ARHGAP15: variants seen among roughly 807,000 people sequenced by gnomAD.
ARHGAP15 encodes the protein Rho GTPase activating protein 15, also known as rho GTPase-activating protein 15.
ARHGAP15 carries 51 observed loss-of-function variants against 63.7 expected under a neutral mutation model. The observed-to-expected ratio is 0.80, with a 90% confidence interval of 0.64 to 1.01. ARHGAP15 has a LOEUF of 1.01. Among genes scored for constraint, ARHGAP15 ranks in the 50% least tolerant of loss-of-function variants. The pLI is 0.00. For synonymous variants in ARHGAP15, 191 were observed against 193.8 expected (o/e 0.99, Z 0.12); for missense variants, 560 against 564.6 (o/e 0.99, Z 0.08).
intron 1 of ARHGAP15, among the ~76,000 whole-genome samples, chr2:143,144,704 C>T (rs1689509257): frequency 6.6e-6 from 1 of 151,990 alleles, no homozygotes; most frequent in African/African-American, 2.4e-5. Flanking sequence ...TAGCTACCTA[C>T]TCATTTATCT....
intron 2 of ARHGAP15, among the ~76,000 whole-genome samples, chr2:143,180,463 A>AC (rs1691190436): frequency 6.6e-6 from 1 of 152,138 alleles, no homozygotes; most frequent in Admixed American, 6.5e-5. Context: ...GAAGTCCTGA[A>AC]CCCCTCAAAG....
intron 8 of ARHGAP15, among the ~76,000 whole-genome samples, chr2:143,457,491 C>T (rs1279804649): frequency 6.6e-6 from 1 of 151,660 alleles, no homozygotes; most frequent in Non-Finnish European, 1.5e-5. Flanking sequence ...TATGCCACTG[C>T]ACTCCAGCCT....
chr2:143,727,030 C>A lies in ARHGAP15; in HGVS notation c.1244+23506C>A, dbSNP rs536620889. On this transcript the variant is annotated intron_variant, in intron 13 of 13. Transcript: ENST00000295095. ...GCTAAGTCTCAGTTACCCCCTCCAT[C>A]ACTGCCCTAACCTCTTCCAGCCTTT... Among the ~76,000 whole-genome samples the A allele has an allele frequency of 2.5e-4, 38 of 152,314 alleles. No homozygotes were observed. The Middle Eastern group carries it at 0.014, about 55-fold the overall frequency.
At chr2:143,201,315 G>A (rs894324240) in intron 2 of ARHGAP15, among the ~76,000 whole-genome samples, 1 of 151,728 alleles carries the variant, frequency 6.6e-6, no homozygotes, top group African/African-American at 2.4e-5. Flanking sequence ...TAGAGTTGGA[G>A]TCTCACTATG....
At chr2:143,139,010 C>T (rs957100624) in intron 1 of ARHGAP15, among the ~76,000 whole-genome samples, 1 of 152,006 alleles carries the variant, frequency 6.6e-6, no homozygotes, top group African/African-American at 2.4e-5. Flanking sequence ...TCTAAACCAT[C>T]TTCTTTTTGG....
chr2:143,217,636 C>T (rs1048391882), intron 4 of ARHGAP15, among the ~76,000 whole-genome samples: 11 of 152,064 alleles, frequency 7.2e-5, no homozygotes, highest in African/African-American at 2.7e-4. Context: ...GAAGGAACAA[C>T]AGGAGGAAGT....
chr2:143,432,709 GT>G (rs1689440178), intron 6 of ARHGAP15, among the ~76,000 whole-genome samples: 1 of 151,972 alleles, frequency 6.6e-6, no homozygotes, highest in African/African-American at 2.4e-5. Context: ...GTATGAAAAA[GT>G]TCAAGACAAA....
At chr2:143,245,618 C>CTT (rs11381798) in intron 5 of ARHGAP15, among the ~76,000 whole-genome samples, 23 of 150,202 alleles carry the variant, frequency 1.5e-4, no homozygotes, top group Admixed American at 2.0e-4. Context: ...TTTTCTTCTT[C>CTT]TTCTTTTTTT....
intron 8 of ARHGAP15, among the ~76,000 whole-genome samples, chr2:143,440,523 T>C (rs1412409154): frequency 6.6e-6 from 1 of 152,204 alleles, no homozygotes; most frequent in East Asian, 1.9e-4. Context: ...GAATTACTTT[T>C]TTAAAAGGCA....
intron 6 of ARHGAP15, among the ~76,000 whole-genome samples, chr2:143,306,241 G>T (rs557535553): frequency 6.6e-6 from 1 of 152,064 alleles, no homozygotes; most frequent in Non-Finnish European, 1.5e-5. Flanking sequence ...ATAGAAAGTC[G>T]TTCTGAGACT....
At chr2:143,491,026 A>G (rs1012969261) in intron 9 of ARHGAP15, among the ~76,000 whole-genome samples, 2 of 152,240 alleles carry the variant, frequency 1.3e-5, no homozygotes, top group Non-Finnish European at 2.9e-5. Flanking sequence ...GCTCAATGAA[A>G]AGAAATCTTA....
Position 143,345,636 on chromosome 2 carries a change from T to A in ARHGAP15, c.475-89965T>A, listed in dbSNP as rs116575963. Among the ~76,000 whole-genome samples the A allele has an allele frequency of 4.0e-3, 612 of 152,274 alleles. 2 individuals are homozygous for A. The highest frequency in any genetic ancestry group is 6.4e-3 in the Non-Finnish European group (438 of 68,010). ...ACTCACACACATTGCCTAAATTCAGTTTCTTTCATTTTTTTGCAGGCTTTG... is the reference window on the plus strand; with the variant it reads ...ACTCACACACATTGCCTAAATTCAGATTCTTTCATTTTTTTGCAGGCTTTG... On this transcript the variant is annotated intron_variant, in intron 6 of 13. Coordinates refer to ENST00000295095, the MANE Select transcript of ARHGAP15 (RefSeq NM_018460.4).
At chr2:143,359,035 C>A (rs985950300) in intron 6 of ARHGAP15, among the ~76,000 whole-genome samples, 2 of 151,368 alleles carry the variant, frequency 1.3e-5, no homozygotes, top group East Asian at 3.9e-4. Flanking sequence ...CATTAGGGTG[C>A]GATTGATTTA....
At chr2:143,479,219 T>C (rs567949368) in intron 8 of ARHGAP15, among the ~76,000 whole-genome samples, 5 of 152,224 alleles carry the variant, frequency 3.3e-5, no homozygotes, top group African/African-American at 9.6e-5. Context: ...TTCTTATATA[T>C]GCATGTGTTT....
chr2:143,263,703 C>G (rs1241992348), intron 6 of ARHGAP15, among the ~76,000 whole-genome samples: 1 of 152,080 alleles, frequency 6.6e-6, no homozygotes, highest in Non-Finnish European at 1.5e-5. Flanking sequence ...TCCCAGGCTT[C>G]TTGTTTCTAA....
At chr2:143,535,025 C>T (rs539302481) in intron 10 of ARHGAP15, among the ~76,000 whole-genome samples, 1 of 152,014 alleles carries the variant, frequency 6.6e-6, no homozygotes, top group East Asian at 1.9e-4. Flanking sequence ...TTCTAATTTC[C>T]TTATGATAGA....
At chr2:143,269,923 T>A (rs993373877) in intron 6 of ARHGAP15, among the ~76,000 whole-genome samples, 1 of 152,166 alleles carries the variant, frequency 6.6e-6, no homozygotes, top group Admixed American at 6.5e-5. Flanking sequence ...ATATGTTTTG[T>A]TGAGGGTTTA....
intron 6 of ARHGAP15, among the ~76,000 whole-genome samples, chr2:143,358,644 G>A (rs1685907414): frequency 6.6e-6 from 1 of 150,586 alleles, no homozygotes; most frequent in East Asian, 2.0e-4. Flanking sequence ...ATGCTGCATG[G>A]ATGAAATATT....
chr2:143,180,647 A>G (rs999836038), intron 2 of ARHGAP15, among the ~76,000 whole-genome samples: 6 of 152,086 alleles, frequency 3.9e-5, no homozygotes, highest in Non-Finnish European at 7.4e-5. Flanking sequence ...CTATGCAGCT[A>G]TAGTCTTATT....
Sources: allele counts gnomAD v4.1 joint callset (sites outside exome capture counted in the v4.1 genomes callset), GRCh38; gene constraint gnomAD v4.1.1; transcripts MANE v1.5; gene names NCBI Gene and HGNC (gene_info 2026-07-23, HGNC 2026-07-21).